COQ2: variants seen among roughly 807,000 people sequenced by gnomAD.
COQ2 encodes coenzyme Q2, polyprenyltransferase, also known as 4-hydroxybenzoate polyprenyltransferase, mitochondrial.
A neutral mutation model predicts 35.7 loss-of-function variants in COQ2; 25 were observed. That is an observed-to-expected ratio of 0.70 (90% confidence interval 0.51 to 0.98). The LOEUF is 0.98. Among genes scored for constraint, COQ2 ranks in the 50% least tolerant of loss-of-function variants. The pLI is 0.00. For synonymous variants in COQ2, 206 were observed against 186.2 expected, an observed-to-expected ratio of 1.11 and a Z score of -0.86; for missense variants, 488 against 473.5, an observed-to-expected ratio of 1.03 and a Z score of -0.28.
At chr4:83,281,526 T>A (rs1028617040) in intron 1 of COQ2, 1 of 152,212 alleles carries the variant, frequency 6.6e-6, no homozygotes, top group Non-Finnish European at 1.5e-5. Flanking sequence ...CTGCCACTTG[T>A]AAGTTGAGTG....
intron 2 of COQ2, among the ~76,000 whole-genome samples, chr4:83,276,403 G>C (rs1488035189): frequency 6.6e-6 from 1 of 152,082 alleles, no homozygotes; most frequent in African/African-American, 2.4e-5. Context: ...GTTCAATTAA[G>C]TCTGATTTGT....
chr4:83,273,395 A>G (rs1454070535), intron 3 of COQ2, 101 bp downstream of exon 3: 1 of 1,246,266 alleles, frequency 8.0e-7, no homozygotes, highest in Non-Finnish European at 1.1e-6. Context: ...CTTAATAAGT[A>G]GCAAATGAAC....
At chr4:83,275,415 CTT>C (rs11293285) in intron 2 of COQ2, among the ~76,000 whole-genome samples, 1,706 of 147,980 alleles carry the variant, frequency 0.012, 37 homozygotes, top group African/African-American at 0.039. Context: ...GCCAAGTAGG[CTT>C]TTTTTTTTTT....
At chr4:83,275,671 T>C (rs1231454925) in intron 2 of COQ2, among the ~76,000 whole-genome samples, 1 of 152,114 alleles carries the variant, frequency 6.6e-6, no homozygotes, top group East Asian at 1.9e-4. Context: ...TCCATCTTCC[T>C]GGAAGCAGAA....
intron 1 of COQ2, among the ~76,000 whole-genome samples, chr4:83,279,885 G>A (rs1433513122): frequency 8.5e-6 from 1 of 117,982 alleles, no homozygotes; most frequent in African/African-American, 3.2e-5. Context: ...TTTTGAGACA[G>A]CATCTCACTC....
intron 3 of COQ2, 130 bp downstream of exon 3, chr4:83,273,366 A>G (rs990334868): frequency 1.0e-4 from 89 of 885,598 alleles, no homozygotes; most frequent in Middle Eastern, 9.7e-4. Flanking sequence ...AGTTACTTAC[A>G]CTTGCTAACT....
In COQ2 at chr4:83,273,551, G is replaced by C. The variant is rs1347080578; in HGVS notation, c.487C>G (p.Leu163Val). The change falls in exon 3 of 7, where the codon CTT becomes GTT. Residue 163 changes from leucine (L) to valine (V), a missense_variant. Physicochemically the swap from Leu to Val is conservative, Grantham distance 32 (BLOSUM62 1). Transcript: ENST00000647002. ...DISTFQSFVFLGGQLTLALGV... is the reference protein window; with the variant it reads ...DISTFQSFVFVGGQLTLALGV... ...AGTGCCAGGGTTAGCTGTCCCCCAA[G>C]AAAAACAAAGGACTGAAAAGTTGAA... 1.2e-6 allele frequency: 2 copies of C among 1,613,570 alleles called. No individual in the cohort carries two copies. The highest frequency in any genetic ancestry group is 1.1e-5 in the South Asian group (1 of 91,086).
At position 83,284,205 on chromosome 4, in the gene COQ2, T is replaced by C. The variant is rs1054093221; in HGVS notation, c.253+307A>G. ...TGGAATGAGAATTATCTTGCCCGCT[T>C]CAGGTGCTCAGGATGCAGACAGACG... On this transcript the variant is annotated intron_variant, in intron 1 of 6. Coordinates refer to ENST00000647002, the MANE Select transcript of COQ2 (RefSeq NM_001358921.2). 4.1e-6 allele frequency: 4 copies of C among 985,334 alleles called. No individual in the cohort carries two copies. The Admixed American group carries it at 1.8e-4, about 45-fold the overall frequency. The allele number at this position is 985,334 out of a possible 1,614,324, so 61.0% of individuals were successfully genotyped here.
chr4:83,278,887 C>T (rs974520034), intron 2 of COQ2, 61 bp downstream of exon 2: 40 of 1,436,856 alleles, frequency 2.8e-5, no homozygotes, highest in Non-Finnish European at 3.5e-5. Flanking sequence ...AAAAGTGATA[C>T]CACTATGTTA....
At chr4:83,273,437 C>A in intron 3 of COQ2, 59 bp downstream of exon 3, 2 of 1,507,380 alleles carry the variant, frequency 1.3e-6, no homozygotes, top group Non-Finnish European at 1.8e-6. Flanking sequence ...CATTTTATTC[C>A]TATTTTCTCC....
chr4:83,265,847 T>C (rs1326126575), intron 6 of COQ2, among the ~76,000 whole-genome samples: 3 of 151,960 alleles, frequency 2.0e-5, no homozygotes. Context: ...GTATTATTAG[T>C]AGAGACAGGG....
chr4:83,270,728 G>A (rs372387567), intron 4 of COQ2, among the ~76,000 whole-genome samples: 6 of 152,078 alleles, frequency 3.9e-5, no homozygotes, highest in African/African-American at 1.4e-4. Flanking sequence ...TGCCTGACAC[G>A]TTGTACTGCA....
At chr4:83,273,384 G>A (rs1366055430) in intron 3 of COQ2, 112 bp downstream of exon 3, 1 of 1,105,532 alleles carries the variant, frequency 9.0e-7, no homozygotes. Flanking sequence ...ACTTACAGAT[G>A]CTTAATAAGT....
At chr4:83,272,253 G>A in intron 3 of COQ2, 81 bp from the exon 4 acceptor site, 1 of 670,924 alleles carries the variant, frequency 1.5e-6, no homozygotes, top group African/African-American at 1.9e-5. Context: ...AATGACATAA[G>A]TAATACTAAT....
In COQ2 at chr4:83,267,713, G is replaced by T. The variant is rs976635130; in HGVS notation, c.824C>A (p.Thr275Asn). 6.4e-7 allele frequency: 1 copy of T among 1,553,418 alleles called. No homozygotes were observed. Among genetic ancestry groups the T allele is most frequent in the Non-Finnish European group, 8.7e-7 (1 of 1,148,122 alleles). Residue 275 changes from threonine (T) to asparagine (N), a missense_variant, in exon 6 of 7, where the codon ACC (threonine) becomes AAC (asparagine). Physicochemically the swap from Thr to Asn is moderately conservative, Grantham distance 65. Transcript: ENST00000647002. ...ACTGAAGCCGCTGAGCCACGGCTTG[G>T]TATTTTCTCCGAACCGCAGAGCCGT... ...KSTALRFGENTKPWLSGFSVA... is the reference protein window; with the variant it reads ...KSTALRFGENNKPWLSGFSVA...
At chr4:83,278,522 A>T (rs72936025) in intron 2 of COQ2, among the ~76,000 whole-genome samples, 61 of 152,356 alleles carry the variant, frequency 4.0e-4, no homozygotes, top group African/African-American at 1.5e-3. Context: ...TTTAAAAGAA[A>T]CAATTATAGG....
At chr4:83,264,698 G>A (rs1046956044) in intron 6 of COQ2, among the ~76,000 whole-genome samples, 1 of 152,138 alleles carries the variant, frequency 6.6e-6, no homozygotes, top group African/African-American at 2.4e-5. Flanking sequence ...AATCATCCAA[G>A]CTGTTTCTTA....
chr4:83,270,739 A>G (rs1442516770), intron 4 of COQ2, among the ~76,000 whole-genome samples: 1 of 152,146 alleles, frequency 6.6e-6, no homozygotes, highest in Admixed American at 6.6e-5. Flanking sequence ...TTGTACTGCA[A>G]TGACCTGTTT....
Position 83,269,952 on chromosome 4 carries a change from T to G in COQ2, c.670A>C (p.Ile224Leu), listed in dbSNP as rs774916508. Residue 224 changes from isoleucine to leucine, a missense_variant, in exon 5 of 7, where the codon ATC (isoleucine) becomes CTC (leucine). Coordinates refer to ENST00000647002, the MANE Select transcript of COQ2 (RefSeq NM_001358921.2). ...NWGALLGWSA[I>L]KGSCDPSVCL... ...ACAGATGGATCACAGGAACCCTTGA[T>G]AGCAGACCATCCAAGTAACGCTCCC... 5 of 1,613,468 alleles carry G rather than the reference T, an allele frequency of 3.1e-6. No individual in the cohort carries two copies. The highest frequency in any genetic ancestry group is 1.6e-4 in the Middle Eastern group (1 of 6,084).
Sources: allele counts gnomAD v4.1 joint callset (sites outside exome capture counted in the v4.1 genomes callset), GRCh38; gene constraint gnomAD v4.1.1; transcripts MANE v1.5; gene names NCBI Gene and HGNC (gene_info 2026-07-23, HGNC 2026-07-21).